The following ZPBP variants were observed in gnomAD, a reference collection of about 807,000 sequenced individuals.
ZPBP encodes the protein zona pellucida binding protein.
ZPBP carries 26 observed loss-of-function variants against 44.8 expected under a neutral mutation model. That is an observed-to-expected ratio of 0.58 (90% CI 0.43 to 0.81). The LOEUF is 0.81. ZPBP is among the 30% of genes least tolerant of loss of function. The pLI is 0.00. For missense variants in ZPBP, 409 were observed against 434.0 expected, an observed-to-expected ratio of 0.94 and a Z score of 0.51; for synonymous variants, 174 against 153.2, an observed-to-expected ratio of 1.14 and a Z score of -1.00.
At chr7:49,989,647 G>A (rs372896409) in intron 6 of ZPBP, among the ~76,000 whole-genome samples, 7 of 152,246 alleles carry the variant, frequency 4.6e-5, no homozygotes, top group Admixed American at 1.3e-4. Context: ...ACATTCATTA[G>A]TTGCTTTTAA....
intron 3 of ZPBP, among the ~76,000 whole-genome samples, chr7:50,072,387 C>T (rs955199772): frequency 6.6e-6 from 1 of 152,216 alleles, no homozygotes; most frequent in Non-Finnish European, 1.5e-5. Context: ...TCCCTGAATC[C>T]CAGACAGCAC....
chr7:49,874,625 G>A (rs1012845601), intron 2 of ZPBP, among the ~76,000 whole-genome samples: 1 of 152,128 alleles, frequency 6.6e-6, no homozygotes, highest in Middle Eastern at 3.2e-3. Flanking sequence ...AGGTTTAGGT[G>A]ACAGGATTGG....
intron 2 of ZPBP, among the ~76,000 whole-genome samples, chr7:49,888,809 G>A (rs1792008861): frequency 6.6e-6 from 1 of 152,168 alleles, no homozygotes; most frequent in Non-Finnish European, 1.5e-5. Flanking sequence ...TACTTTGGGG[G>A]CCGAGGCAGG....
intron 7 of ZPBP, among the ~76,000 whole-genome samples, chr7:49,942,066 T>C (rs1414302754): frequency 6.6e-6 from 1 of 152,088 alleles, no homozygotes; most frequent in African/African-American, 2.4e-5. Flanking sequence ...CACAGACAAC[T>C]AAATGAAGTT....
intron 7 of ZPBP, among the ~76,000 whole-genome samples, chr7:49,969,058 G>C (rs1796177180): frequency 6.6e-6 from 1 of 151,446 alleles, no homozygotes; most frequent in Non-Finnish European, 1.5e-5. Flanking sequence ...GGGCTGTAAA[G>C]AGACCTGATG....
intron 7 of ZPBP, among the ~76,000 whole-genome samples, chr7:49,978,474 A>G (rs1313125146): frequency 2.6e-5 from 4 of 152,112 alleles, no homozygotes; most frequent in African/African-American, 7.2e-5. Context: ...TTATAAGGAA[A>G]CAAGCTTTCT....
intron 3 of ZPBP, among the ~76,000 whole-genome samples, chr7:50,072,067 C>G (rs1302929879): frequency 6.6e-6 from 1 of 152,226 alleles, no homozygotes; most frequent in African/African-American, 2.4e-5. Context: ...AACAAGTGGA[C>G]TCTCAGGATC....
the ZPBP span, among the ~76,000 whole-genome samples, chr7:49,844,942 C>CA: frequency 6.6e-6 from 1 of 152,196 alleles, no homozygotes; most frequent in African/African-American, 2.4e-5. Flanking sequence ...CTTGGCCTCC[C>CA]AAAGTGCTGG....
rs576395895 is a variant in ZPBP, at chr7:50,074,747, T to G, written c.334+7027A>C. ...ATTATAAATACGTATACACCCAACATGGGAGCACTCAGATATATAAAGAAA... is the reference window on the plus strand; with the variant it reads ...ATTATAAATACGTATACACCCAACAGGGGAGCACTCAGATATATAAAGAAA... On this transcript the variant is annotated intron_variant, in intron 3 of 7. Transcript: ENST00000046087. 5.3e-5 allele frequency among the ~76,000 whole-genome samples: 8 copies of G among 151,826 alleles called. No individual in the cohort carries two copies. The East Asian group carries it at 1.2e-3, about 22-fold the overall frequency.
chr7:49,943,002 C>T (rs1292112208), intron 7 of ZPBP: 3 of 225,758 alleles, frequency 1.3e-5, no homozygotes, highest in Non-Finnish European at 1.8e-5. Flanking sequence ...GCAACTTCCA[C>T]GGATTAGGAG....
intron 7 of ZPBP, among the ~76,000 whole-genome samples, chr7:49,960,181 A>T (rs1005226927): frequency 6.6e-6 from 1 of 152,116 alleles, no homozygotes; most frequent in Non-Finnish European, 1.5e-5. Flanking sequence ...GCACTTTAGG[A>T]GGCTGAGGTG....
chr7:50,078,375 T>C (rs1169891153), intron 3 of ZPBP, among the ~76,000 whole-genome samples: 1 of 151,464 alleles, frequency 6.6e-6, no homozygotes, highest in Non-Finnish European at 1.5e-5. Context: ...ATTGCATATA[T>C]TAAAATAACT....
At chr7:49,981,585 T>TATTATATAATTATATAAATTATATA (rs1796947573) in intron 7 of ZPBP, among the ~76,000 whole-genome samples, 1 of 61,702 alleles carries the variant, frequency 1.6e-5, no homozygotes, top group African/African-American at 6.0e-5. Flanking sequence ...ATAAATTATA[T>TATTATATAATTATATAAATTATATA]ATTATATAAT....
intron 1 of ZPBP, among the ~76,000 whole-genome samples, chr7:49,903,364 A>AC (rs1243579634): frequency 1.3e-5 from 2 of 152,238 alleles, no homozygotes. Context: ...TTAAATTATT[A>AC]AACTGTGGTA....
chr7:50,083,715 GT>G (rs1212541244), intron 2 of ZPBP, among the ~76,000 whole-genome samples: 1 of 151,750 alleles, frequency 6.6e-6, no homozygotes, highest in African/African-American at 2.4e-5. Context: ...GGTAGACAAG[GT>G]ACCTAAAATC....
intron 7 of ZPBP, among the ~76,000 whole-genome samples, chr7:49,949,508 A>T (rs1190927470): frequency 6.6e-6 from 1 of 152,128 alleles, no homozygotes; most frequent in African/African-American, 2.4e-5. Context: ...ATATTGTGCT[A>T]AGTGAAATAA....
At chr7:49,929,527 C>T (rs903504197) in intron 1 of ZPBP, among the ~76,000 whole-genome samples, 1 of 152,206 alleles carries the variant, frequency 6.6e-6, no homozygotes, top group Non-Finnish European at 1.5e-5. Context: ...CAGGGACCAA[C>T]CAACAAACTA....
intron 4 of ZPBP, among the ~76,000 whole-genome samples, chr7:50,044,425 C>A (rs1383603136): frequency 1.3e-5 from 2 of 151,498 alleles, no homozygotes; most frequent in East Asian, 3.9e-4. Flanking sequence ...GCTAGCCAGA[C>A]TAATAAAGAA....
At chr7:49,929,556 G>C (rs540216789) in intron 1 of ZPBP, among the ~76,000 whole-genome samples, 74 of 152,314 alleles carry the variant, frequency 4.9e-4, no homozygotes, top group African/African-American at 1.7e-3. Context: ...TTGATAGCAG[G>C]AAGGTCTCAC....
Sources: gnomAD v4.1 joint callset for allele counts (sites outside exome capture counted in the v4.1 genomes callset) on GRCh38, gnomAD v4.1.1 for gene constraint, MANE v1.5 for transcripts, NCBI Gene and HGNC (gene_info 2026-07-23, HGNC 2026-07-21) for gene names.